DOCK3: variants seen among roughly 807,000 people sequenced by gnomAD.
DOCK3 encodes dedicator of cytokinesis protein 3.
DOCK3 carries 60 observed loss-of-function variants against 265.6 expected under a neutral mutation model. That is an observed-to-expected ratio of 0.23 (90% CI 0.18 to 0.28). The LOEUF is 0.28. Among genes scored for constraint, DOCK3 ranks in the 10% least tolerant of loss-of-function variants. The probability of loss-of-function intolerance (pLI) is 1.00; values close to 1 mark genes in which losing one functional copy is unlikely to be tolerated. For missense variants in DOCK3, 1,981 were observed against 2,594.3 expected, an observed-to-expected ratio of 0.76 and a Z score of 5.14; for synonymous variants, 881 against 938.0, an observed-to-expected ratio of 0.94 and a Z score of 1.11.
rs866254639 is a variant in DOCK3, at chr3:51,016,740, T to C, written c.316-47708T>C. Among the ~76,000 whole-genome samples, 18 of 2,490 alleles carry C rather than the reference T, an allele frequency of 7.2e-3. 7 individuals are homozygous for C. Among genetic ancestry groups the C allele is most frequent in the African/African-American group, 0.024 (18 of 740 alleles). The allele number at this position is 2,490 out of a possible 152,430, so 1.6% of individuals were successfully genotyped here. On this transcript the variant is annotated intron_variant, in intron 5 of 52. Coordinates refer to ENST00000266037, the MANE Select transcript of DOCK3 (RefSeq NM_004947.5). ...AATATAATATATATGATACATATTA[T>C]ATATATCAATATAATATATATGATA...
At chr3:50,916,918 G>A (rs1444576488) in intron 4 of DOCK3, among the ~76,000 whole-genome samples, 2 of 151,790 alleles carry the variant, frequency 1.3e-5, no homozygotes, top group Non-Finnish European at 2.9e-5. Flanking sequence ...CAAGTGCTAG[G>A]GGCTTCTAAT....
At chr3:51,077,214 G>T (rs2109393621) in intron 7 of DOCK3, among the ~76,000 whole-genome samples, 1 of 152,322 alleles carries the variant, frequency 6.6e-6, no homozygotes, top group African/African-American at 2.4e-5. Flanking sequence ...TATGGAAAGT[G>T]AAGAGAGAAT....
intron 5 of DOCK3, among the ~76,000 whole-genome samples, chr3:50,966,497 T>C (rs1448540362): frequency 2.7e-4 from 33 of 123,822 alleles, no homozygotes; most frequent in African/African-American, 9.2e-4. Context: ...TTTTTTTTTT[T>C]CTTCCTTTTT....
chr3:51,007,686 G>C (rs1219716966), intron 5 of DOCK3, among the ~76,000 whole-genome samples: 1 of 152,050 alleles, frequency 6.6e-6, no homozygotes, highest in Non-Finnish European at 1.5e-5. Flanking sequence ...TAGTCATGAA[G>C]TCCTTGCCCA....
At chr3:51,173,733 G>A (rs896987426) in intron 12 of DOCK3, among the ~76,000 whole-genome samples, 6 of 152,000 alleles carry the variant, frequency 3.9e-5, no homozygotes, top group Non-Finnish European at 8.8e-5. Context: ...ATATCTTACT[G>A]CTTTCAAAAT....
At chr3:51,147,553 A>C (rs1018256806) in intron 10 of DOCK3, among the ~76,000 whole-genome samples, 1 of 152,110 alleles carries the variant, frequency 6.6e-6, no homozygotes, top group Admixed American at 6.5e-5. Flanking sequence ...AAGAGTTCTC[A>C]ATGTTCAAGT....
In DOCK3 at chr3:51,348,845, G is replaced by C. The variant is rs917891680; in HGVS notation, c.3916-7G>C. The C allele has an allele frequency of 6.4e-7, 1 of 1,569,284 alleles. No individual in the cohort carries two copies. The highest frequency in any genetic ancestry group is 8.6e-7 in the Non-Finnish European group (1 of 1,156,814). Reference sequence around the variant, plus strand: ...ATGCTGAAGCCCTGTTTCTGTTTCTGACACAGAGCTGGGAGTTTGGGATCC... The same window carrying C: ...ATGCTGAAGCCCTGTTTCTGTTTCTCACACAGAGCTGGGAGTTTGGGATCC... On this transcript the variant is annotated splice_region_variant and splice_polypyrimidine_tract_variant and intron_variant, in intron 38 of 52. Transcript: ENST00000266037.
chr3:50,970,071 TAAAAA>T (rs894683572), intron 5 of DOCK3, among the ~76,000 whole-genome samples: 1 of 145,070 alleles, frequency 6.9e-6, no homozygotes, highest in Non-Finnish European at 1.6e-5. Context: ...GACTCCATCT[TAAAAA>T]AGAAAAGAAA....
chr3:51,381,694 T>G lies in DOCK3; in HGVS notation c.*135T>G. 1.6e-6 allele frequency: 2 copies of G among 1,235,570 alleles called. No individual in the cohort carries two copies. Among genetic ancestry groups the G allele is most frequent in the South Asian group, 1.7e-5 (1 of 59,486 alleles). 76.5% of individuals were successfully genotyped at this position (1,235,570 alleles called of 1,614,324 possible). A position where few individuals can be genotyped will look rare whatever the true frequency, so the allele number is the denominator to read the frequency against. On this transcript the variant is annotated 3_prime_UTR_variant, in exon 53 of 53. Transcript: ENST00000266037. This position sits in a 1 kb window ranked among gnomAD's most constrained non-coding sequence, Gnocchi z 5.6. ...CTCAGGAGAGAACCACCCCCAAGTC[T>G]CCGTTCTACTGCCGTGAACTCATGT...
At chr3:51,355,954 C>T in intron 41 of DOCK3, 135 bp from the exon 42 acceptor site, 2 of 1,070,894 alleles carry the variant, frequency 1.9e-6, no homozygotes, top group Admixed American at 2.2e-5. Flanking sequence ...CCTAGAGATG[C>T]CACTGCCTCC....
intron 3 of DOCK3, chr3:50,877,121 C>G: frequency 3.6e-6 from 1 of 278,886 alleles, no homozygotes; most frequent in Non-Finnish European, 7.1e-6. Context: ...CTAGGCATTG[C>G]TCCAGGAAAA....
intron 4 of DOCK3, among the ~76,000 whole-genome samples, chr3:50,899,076 G>T (rs750359892): frequency 6.6e-6 from 1 of 152,214 alleles, no homozygotes; most frequent in African/African-American, 2.4e-5. Context: ...TGGCAGTGGG[G>T]TGTTAAAATC....
chr3:50,857,909 C>G (rs1380984589), intron 3 of DOCK3, among the ~76,000 whole-genome samples: 1 of 152,132 alleles, frequency 6.6e-6, no homozygotes, highest in Non-Finnish European at 1.5e-5. Flanking sequence ...ACCATTTGAT[C>G]CAGTAATCCC....
At chr3:51,249,805 T>A (rs1301250911) in intron 22 of DOCK3, among the ~76,000 whole-genome samples, 5 of 146,640 alleles carry the variant, frequency 3.4e-5, no homozygotes, top group Admixed American at 3.4e-4. Flanking sequence ...CGGGCCAGGA[T>A]GACAATGGCG....
chr3:50,683,449 A>C (rs1426153956), intron 1 of DOCK3, among the ~76,000 whole-genome samples: 1 of 152,180 alleles, frequency 6.6e-6, no homozygotes, highest in East Asian at 1.9e-4. Context: ...AGAGGAAGAA[A>C]ATTTTATTGT....
At chr3:50,848,743 G>C (rs922462788) in intron 3 of DOCK3, among the ~76,000 whole-genome samples, 2 of 152,116 alleles carry the variant, frequency 1.3e-5, no homozygotes, top group Non-Finnish European at 2.9e-5. Context: ...CATTGACCTT[G>C]TTCAGTCTTA....
chr3:51,027,824 C>T (rs2079883991), intron 5 of DOCK3, among the ~76,000 whole-genome samples: 1 of 151,942 alleles, frequency 6.6e-6, no homozygotes, highest in Non-Finnish European at 1.5e-5. Flanking sequence ...CTATGGGTGT[C>T]ATTACATGAG....
intron 4 of DOCK3, among the ~76,000 whole-genome samples, chr3:50,901,363 G>A (rs578207653): frequency 1.3e-5 from 2 of 152,272 alleles, no homozygotes; most frequent in East Asian, 3.9e-4. Context: ...TCAGACTGGT[G>A]TGCTGGCAGC....
At chr3:50,954,740 T>C (rs757382375) in intron 5 of DOCK3, among the ~76,000 whole-genome samples, 8 of 152,208 alleles carry the variant, frequency 5.3e-5, no homozygotes, top group Non-Finnish European at 7.4e-5. Flanking sequence ...GTCAGATGCA[T>C]AGTTTGCAGA....
Sources: allele counts gnomAD v4.1 joint callset (sites outside exome capture counted in the v4.1 genomes callset), GRCh38; gene constraint gnomAD v4.1.1; non-coding constraint Gnocchi (gnomAD v3.1); transcripts MANE v1.5; gene names NCBI Gene and HGNC (gene_info 2026-07-23, HGNC 2026-07-21).